The following CFI variants were observed in gnomAD, a reference collection of about 807,000 sequenced individuals.
The protein encoded by CFI is C3B/C4B inactivator.
Under a neutral mutation model 78.8 loss-of-function variants are expected in CFI, and 66 were observed. The ratio of observed to expected loss-of-function variants is 0.84; its 90% CI spans 0.69 to 1.03. The LOEUF is 1.03. Ranked by LOEUF, CFI falls within the 50% of genes least tolerant of loss-of-function variation. CFI has a pLI of 0.00. For missense variants in CFI, 706 were observed against 704.5 expected (o/e 1.00, Z -0.02); for synonymous variants, 250 against 232.6 (o/e 1.07, Z -0.68).
chr4:109,749,105 T>C (rs1211774233), intron 10 of CFI, 113 bp downstream of exon 10: 3 of 941,802 alleles, frequency 3.2e-6, no homozygotes, highest in Non-Finnish European at 5.3e-6. Context: ...TTGCAATTAA[T>C]ATAGTGGAGT....
At chr4:109,784,814 T>C (rs886756732) in intron 1 of CFI, among the ~76,000 whole-genome samples, 1 of 152,100 alleles carries the variant, frequency 6.6e-6, no homozygotes, top group African/African-American at 2.4e-5. Context: ...AAGTATCTTT[T>C]GTCAGGCCTC....
intron 7 of CFI, among the ~76,000 whole-genome samples, chr4:109,757,069 C>T (rs1466153207): frequency 1.3e-5 from 2 of 151,948 alleles, no homozygotes; most frequent in Non-Finnish European, 2.9e-5. Flanking sequence ...AGCTCTGTCG[C>T]CCAGGCTGGA....
intron 1 of CFI, among the ~76,000 whole-genome samples, chr4:109,772,942 A>T (rs1728779552): frequency 6.6e-6 from 1 of 151,876 alleles, no homozygotes. Context: ...CTAAAATCGT[A>T]TTTTCCTCTA....
In CFI at chr4:109,766,700, C is replaced by T; in HGVS notation, c.182G>A (p.Cys61Tyr). The T allele has an allele frequency of 6.2e-7, 1 of 1,614,202 alleles. No homozygotes were observed. The highest frequency in any genetic ancestry group is 8.5e-7 in the Non-Finnish European group (1 of 1,180,040). Residue 61 changes from cysteine (C) to tyrosine (Y), a missense_variant, in exon 2 of 13, where the codon TGT becomes TAT. Coordinates refer to ENST00000394634, the MANE Select transcript of CFI (RefSeq NM_000204.5). ...WQRCIEGTCV[C>Y]KLPYQCPKNG... ...CTTTGGGCACTGATACGGTAGTTTA[C>T]AAACACAGGTGCCCTCAATGCATCT... is the stretch of plus-strand genomic sequence containing the variant.
At chr4:109,748,832 G>A (rs1038050842) in intron 10 of CFI, among the ~76,000 whole-genome samples, 1 of 152,160 alleles carries the variant, frequency 6.6e-6, no homozygotes, top group Non-Finnish European at 1.5e-5. Flanking sequence ...TGCATTTTAG[G>A]TGACAAGTAA....
chr4:109,777,317 G>T (rs1208153080), intron 1 of CFI, among the ~76,000 whole-genome samples: 2 of 152,046 alleles, frequency 1.3e-5, no homozygotes, highest in East Asian at 3.8e-4. Flanking sequence ...AAACAAAAAG[G>T]CAGGGGTTGC....
chr4:109,747,445 C>T (rs1259964405), intron 10 of CFI, among the ~76,000 whole-genome samples: 1 of 152,184 alleles, frequency 6.6e-6, no homozygotes, highest in Non-Finnish European at 1.5e-5. Flanking sequence ...GCGTGAGCCA[C>T]CGCACCTGGC....
chr4:109,771,423 G>T (rs1728572238), intron 1 of CFI, among the ~76,000 whole-genome samples: 1 of 150,256 alleles, frequency 6.7e-6, no homozygotes, highest in Non-Finnish European at 1.5e-5. Flanking sequence ...CAGCTAGGCA[G>T]GCTGTGCACA....
At chr4:109,732,716 G>T in the CFI span, among the ~76,000 whole-genome samples, 1 of 151,982 alleles carries the variant, frequency 6.6e-6, no homozygotes, top group African/African-American at 2.4e-5. Context: ...AGTTAGCTGG[G>T]CATGGTGGCG....
At chr4:109,800,890 C>A (rs1034718030) in intron 1 of CFI, among the ~76,000 whole-genome samples, 1 of 151,992 alleles carries the variant, frequency 6.6e-6, no homozygotes, top group Non-Finnish European at 1.5e-5. Flanking sequence ...TTTGGATATA[C>A]AATAATTTAA....
intron 1 of CFI, among the ~76,000 whole-genome samples, chr4:109,769,614 C>A (rs1430297828): frequency 6.6e-6 from 1 of 152,220 alleles, no homozygotes; most frequent in Non-Finnish European, 1.5e-5. Context: ...GATTGCACTA[C>A]TGGGGACATT....
chr4:109,749,329 AGACATTT>A lies in CFI; in HGVS notation c.1045-15_1045-9del, dbSNP rs1724855237. On this transcript the variant is annotated splice_polypyrimidine_tract_variant and intron_variant, in intron 9 of 12. Coordinates refer to ENST00000394634, the MANE Select transcript of CFI (RefSeq NM_000204.5). The stretch of plus-strand genomic sequence containing the variant: ...CTGCCATGGGAGGTCTCCCTGTAAA[AGACATTT>A]GTGTGGTCACTGCCATTCTAACAGA... The A allele has an allele frequency of 6.2e-7, 1 of 1,612,280 alleles. No individual in the cohort carries two copies. Among genetic ancestry groups the A allele is most frequent in the Non-Finnish European group, 8.5e-7 (1 of 1,178,294 alleles).
intron 1 of CFI, among the ~76,000 whole-genome samples, chr4:109,801,515 CTTA>C (rs1732765472): frequency 6.6e-6 from 1 of 152,134 alleles, no homozygotes; most frequent in African/African-American, 2.4e-5. Context: ...TTCAAATTTG[CTTA>C]TTATTTCCCC....
chr4:109,739,535 C>A (rs13131911), downstream of CFI, among the ~76,000 whole-genome samples: 1 of 152,104 alleles, frequency 6.6e-6, no homozygotes, highest in Non-Finnish European at 1.5e-5. Flanking sequence ...GCCTTGGGGT[C>A]GGGTGGGGGT....
At chr4:109,786,385 T>G (rs35935666) in intron 1 of CFI, among the ~76,000 whole-genome samples, 4,506 of 151,976 alleles carry the variant, frequency 0.03, 151 homozygotes, top group Admixed American at 0.096. Flanking sequence ...TTATGTAAAC[T>G]TTATCTTTTT....
intron 1 of CFI, among the ~76,000 whole-genome samples, chr4:109,774,640 C>G (rs1728994265): frequency 6.6e-6 from 1 of 152,152 alleles, no homozygotes; most frequent in Admixed American, 6.5e-5. Context: ...CTGAATGAAT[C>G]ATAAAGCCCT....
chr4:109,801,965 G>C lies in CFI; in HGVS notation c.7C>G (p.Leu3Val). The C allele has an allele frequency of 6.2e-7, 1 of 1,611,658 alleles. No individual in the cohort carries two copies. Among genetic ancestry groups the C allele is most frequent in the Non-Finnish European group, 8.5e-7 (1 of 1,177,982 alleles). MK[L>V]LHVFLLFLCF... is the part of the protein sequence containing the mutation. ...AGAAATAACAGGAAAACATGAAGAA[G>C]CTTCATGTTGGAGGTGTTCGGGGTC... The change falls in exon 1 of 13, where the codon CTT becomes GTT. Residue 3 changes from leucine to valine, a missense_variant. Transcript: ENST00000394634.
At chr4:109,774,562 C>T (rs1401174741) in intron 1 of CFI, among the ~76,000 whole-genome samples, 2 of 152,060 alleles carry the variant, frequency 1.3e-5, no homozygotes, top group Admixed American at 1.3e-4. Flanking sequence ...GATCAGGTCA[C>T]AGAATTGGAG....
intron 1 of CFI, among the ~76,000 whole-genome samples, chr4:109,780,260 T>C (rs760909108): frequency 2.0e-5 from 3 of 152,118 alleles, no homozygotes; most frequent in Non-Finnish European, 4.4e-5. Flanking sequence ...GACGACAGGC[T>C]AATATCTGGA....
Sources: allele counts gnomAD v4.1 joint callset (sites outside exome capture counted in the v4.1 genomes callset), GRCh38; gene constraint gnomAD v4.1.1; transcripts MANE v1.5; gene names NCBI Gene and HGNC (gene_info 2026-07-23, HGNC 2026-07-21).